HIKESHI: variants seen among roughly 807,000 people sequenced by gnomAD.
HIKESHI encodes the protein heat shock protein nuclear import factor hikeshi, also known as protein Hikeshi.
HIKESHI carries 13 observed loss-of-function variants against 25.7 expected under a neutral mutation model. That is an observed-to-expected ratio of 0.51 (90% CI 0.33 to 0.80). The LOEUF is 0.80. Among genes scored for constraint, HIKESHI ranks in the 30% least tolerant of loss-of-function variants. The pLI, the probability that HIKESHI is intolerant of heterozygous loss-of-function variation, is 0.02. For missense variants in HIKESHI, 174 were observed against 229.5 expected (o/e 0.76, Z 1.56); for synonymous variants, 76 against 78.7 (o/e 0.97, Z 0.18).
At chr11:86,323,900 G>A (rs1479560159) in intron 2 of HIKESHI, 1 of 152,150 alleles carries the variant, frequency 6.6e-6, no homozygotes, top group Non-Finnish European at 1.5e-5. Flanking sequence ...CAATCCCAGA[G>A]TAATACTTGA....
Position 86,344,738 on chromosome 11 carries a change from G to A in HIKESHI, c.539+17G>A, listed in dbSNP as rs762410844. On this transcript the variant is annotated intron_variant, in intron 4 of 4. Coordinates refer to ENST00000278483, the MANE Select transcript of HIKESHI (RefSeq NM_016401.4). ...TCTGAAATGGTATGAGGCATTTTCT[G>A]TCTCCAATATTAAGGCTTTTTATAA... 9 of 1,489,224 alleles carry A rather than the reference G, an allele frequency of 6.0e-6. No individual in the cohort carries two copies. Among genetic ancestry groups the A allele is most frequent in the Non-Finnish European group, 7.5e-6 (8 of 1,067,762 alleles). The allele number at this position is 1,489,224 out of a possible 1,614,324, so 92.3% of individuals were successfully genotyped here. A position where few individuals can be genotyped will look rare whatever the true frequency, so the allele number is the denominator to read the frequency against.
intron 2 of HIKESHI, among the ~76,000 whole-genome samples, chr11:86,316,898 A>G (rs891732815): frequency 1.9e-4 from 28 of 146,000 alleles, no homozygotes; most frequent in Non-Finnish European, 3.4e-4. Flanking sequence ...GGTTCATGCC[A>G]TTCTCCTGCA....
At chr11:86,338,628 T>C (rs1005431640) in intron 3 of HIKESHI, among the ~76,000 whole-genome samples, 3 of 152,346 alleles carry the variant, frequency 2.0e-5, no homozygotes, top group South Asian at 4.1e-4. Context: ...TGTGTTTGCC[T>C]GGCAGTACCA....
intron 2 of HIKESHI, among the ~76,000 whole-genome samples, chr11:86,308,840 A>C (rs866082112): frequency 1.3e-5 from 2 of 151,904 alleles, no homozygotes; most frequent in Middle Eastern, 3.4e-3. Context: ...TGTCCTTGCG[A>C]TAGTTTGCTC....
intron 2 of HIKESHI, among the ~76,000 whole-genome samples, chr11:86,318,879 A>G (rs187998431): frequency 5.5e-4 from 84 of 152,268 alleles, no homozygotes; most frequent in African/African-American, 2.0e-3. Context: ...AAGACAGTTA[A>G]AAAAACTGTA....
At chr11:86,312,692 G>T (rs1319100548) in intron 2 of HIKESHI, among the ~76,000 whole-genome samples, 1 of 152,148 alleles carries the variant, frequency 6.6e-6, no homozygotes, top group African/African-American at 2.4e-5. Context: ...GCAGTGGCTG[G>T]TACTGGTTGT....
chr11:86,323,252 AAT>A (rs1947194136), intron 2 of HIKESHI, among the ~76,000 whole-genome samples: 1 of 152,092 alleles, frequency 6.6e-6, no homozygotes, highest in South Asian at 2.1e-4. Context: ...GTAAAATATA[AAT>A]ATATGAGTAT....
At chr11:86,333,891 A>G (rs1947481331) in intron 2 of HIKESHI, among the ~76,000 whole-genome samples, 1 of 152,254 alleles carries the variant, frequency 6.6e-6, no homozygotes, top group Non-Finnish European at 1.5e-5. Context: ...ACAAATTATG[A>G]GCCGTTAAAG....
chr11:86,302,372 C>G lies in HIKESHI; in HGVS notation c.-77C>G. On this transcript the variant is annotated 5_prime_UTR_variant, in exon 1 of 5. Transcript: ENST00000278483. Reference sequence around the variant, plus strand: ...CCGCAAATTCTGGAAGGTTCTTAGTCTCGACTAGGGCAGTAGCCCCAGGAC... The same window carrying G: ...CCGCAAATTCTGGAAGGTTCTTAGTGTCGACTAGGGCAGTAGCCCCAGGAC... 1.3e-6 allele frequency: 2 copies of G among 1,534,294 alleles called. No individual in the cohort carries two copies. The highest frequency in any genetic ancestry group is 1.2e-5 in the South Asian group (1 of 83,488).
At chr11:86,328,006 C>T (rs2847471) in intron 2 of HIKESHI, among the ~76,000 whole-genome samples, 94,250 of 151,980 alleles carry the variant, frequency 0.62, 29,408 homozygotes, top group East Asian at 0.79. Context: ...CAGTGTACTT[C>T]GTACTACATG....
chr11:86,316,918 C>T (rs376983499), intron 2 of HIKESHI, among the ~76,000 whole-genome samples: 2 of 151,144 alleles, frequency 1.3e-5, no homozygotes, highest in African/African-American at 2.4e-5. Flanking sequence ...ATCAGCCTCC[C>T]GAGTACCTGG....
rs1406445772 is a variant in HIKESHI, at chr11:86,325,245, T to C, written c.269-12134T>C. ...TATGATTCTGTACTGAATGATGTGA[T>C]GTGAACAGATTTCTTAACTTCACAC... On this transcript the variant is annotated intron_variant, in intron 2 of 4. Coordinates refer to ENST00000278483, the MANE Select transcript of HIKESHI (RefSeq NM_016401.4). 2.0e-5 allele frequency among the ~76,000 whole-genome samples: 3 copies of C among 152,084 alleles called. No homozygotes were observed. In the East Asian group the frequency reaches 5.8e-4, roughly 29 times the overall value.
At chr11:86,307,206 T>C in intron 2 of HIKESHI, among the ~76,000 whole-genome samples, 1 of 74,602 alleles carries the variant, frequency 1.3e-5, no homozygotes. Context: ...ATATACATCA[T>C]ATATCAAATA....
intron 2 of HIKESHI, among the ~76,000 whole-genome samples, chr11:86,312,762 A>G (rs1357993491): frequency 6.6e-6 from 1 of 152,184 alleles, no homozygotes; most frequent in Non-Finnish European, 1.5e-5. Flanking sequence ...GGTGGTGACA[A>G]AATCTCTCAG....
At chr11:86,340,281 G>A (rs1593875056) in intron 3 of HIKESHI, among the ~76,000 whole-genome samples, 1 of 152,300 alleles carries the variant, frequency 6.6e-6, no homozygotes, top group East Asian at 1.9e-4. Flanking sequence ...TGGGATCACT[G>A]GGTCAAATGG....
chr11:86,311,261 A>T (rs1036498927), intron 2 of HIKESHI, among the ~76,000 whole-genome samples: 2 of 152,058 alleles, frequency 1.3e-5, no homozygotes, highest in African/African-American at 4.8e-5. Context: ...CTATTCAGGG[A>T]TTCAACTTCT....
At chr11:86,331,966 A>G (rs533049785) in intron 2 of HIKESHI, among the ~76,000 whole-genome samples, 23 of 150,044 alleles carry the variant, frequency 1.5e-4, no homozygotes, top group Non-Finnish European at 2.8e-4. Context: ...TCCTTTTGCC[A>G]TAACTGTTTT....
In HIKESHI at chr11:86,308,092, T is replaced by C. The variant is rs1476680950; in HGVS notation, c.268+1610T>C. 1.6e-4 allele frequency among the ~76,000 whole-genome samples: 20 copies of C among 124,478 alleles called. No homozygotes were observed. In the East Asian group the frequency reaches 4.3e-3, roughly 26 times the overall value. 81.7% of individuals were successfully genotyped at this position (124,478 alleles called of 152,430 possible). The stretch of plus-strand genomic sequence containing the variant: ...TGTATATTACGTAAAATATACTATA[T>C]AAATATACTATATACTATATATACA... On this transcript the variant is annotated intron_variant, in intron 2 of 4. Coordinates refer to ENST00000278483, the MANE Select transcript of HIKESHI (RefSeq NM_016401.4).
intron 2 of HIKESHI, among the ~76,000 whole-genome samples, chr11:86,332,221 C>T (rs545995499): frequency 4.5e-4 from 68 of 152,236 alleles, no homozygotes; most frequent in African/African-American, 1.5e-3. Context: ...GCCTCGGCCT[C>T]GCAAAGTGCT....
Sources: gnomAD v4.1 joint callset for allele counts (sites outside exome capture counted in the v4.1 genomes callset) on GRCh38, gnomAD v4.1.1 for gene constraint, MANE v1.5 for transcripts, NCBI Gene and HGNC (gene_info 2026-07-23, HGNC 2026-07-21) for gene names.